The following FCAR variants were observed in gnomAD, a reference collection of about 807,000 sequenced individuals.
The protein encoded by FCAR is immunoglobulin alpha Fc receptor.
A neutral mutation model predicts 27.1 loss-of-function variants in FCAR; 21 were observed. The ratio of observed to expected loss-of-function variants is 0.77; its 90% CI spans 0.55 to 1.11. The LOEUF (loss-of-function observed/expected upper bound fraction) is 1.11. Ranked by LOEUF, FCAR falls within the 50% of genes most tolerant of loss-of-function variation. The probability of loss-of-function intolerance (pLI) is 0.00; values close to 1 mark genes in which losing one functional copy is unlikely to be tolerated. For missense variants in FCAR, 404 were observed against 358.4 expected (o/e 1.13, Z -1.03); for synonymous variants, 134 against 135.8 (o/e 0.99, Z 0.09).
rs781596331 is a variant in FCAR, at chr19:54,888,250, AC to A, written c.607del (p.Leu203CysfsTer26). The A allele has an allele frequency of 1.2e-5, 20 of 1,614,056 alleles. 1 individual carries two copies. In the East Asian group the frequency reaches 2.2e-4, roughly 18 times the overall value. On this transcript the variant is annotated frameshift_variant, in exon 4 of 5. Transcript: ENST00000355524. LOFTEE classifies it high-confidence loss of function. ...RCYGWYNRSP[Y>X]LWSFPSNALE... ...TACGGTTGGTACAACAGGAGCCCCTACCTGTGGTCCTTCCCCAGTAATGCCT... is the reference window on the plus strand; with the variant it reads ...TACGGTTGGTACAACAGGAGCCCCTACTGTGGTCCTTCCCCAGTAATGCCT...
Position 54,885,447 on chromosome 19 carries a change from G to C in FCAR, c.283G>C (p.Ala95Pro). The C allele has an allele frequency of 6.2e-7, 1 of 1,613,920 alleles. No homozygotes were observed. Among genetic ancestry groups the C allele is most frequent in the Non-Finnish European group, 8.5e-7 (1 of 1,179,836 alleles). ...FVIDHMDANK[A>P]GRYQCQYRIG... ...CATTGACCACATGGACGCAAACAAG[G>C]CAGGGCGCTATCAGTGCCAATATAG... Residue 95 changes from alanine (A) to proline (P), a missense_variant, in exon 3 of 5, where the codon GCA (alanine) becomes CCA (proline). Physicochemically the swap from Ala to Pro is conservative, Grantham distance 27 (BLOSUM62 -1). Coordinates refer to ENST00000355524, the MANE Select transcript of FCAR (RefSeq NM_002000.4).
chr19:54,891,285 G>C lies in FCAR; in HGVS notation c.*1422G>C, dbSNP rs1001738478. The C allele has an allele frequency of 2.0e-5, 3 of 151,868 alleles. No homozygotes were observed. Among genetic ancestry groups the C allele is most frequent in the East Asian group, 1.9e-4 (1 of 5,184 alleles). The allele number at this position is 151,868 out of a possible 1,614,324, so 9.4% of individuals were successfully genotyped here. ...TGAAAATATAATTATAAAATGTAAG[G>C]GTCCTACTTCCAGTGAAACTGAAGG... On this transcript the variant is annotated 3_prime_UTR_variant, in exon 5 of 5. Coordinates refer to ENST00000355524, the MANE Select transcript of FCAR (RefSeq NM_002000.4).
chr19:54,889,725 G>A lies in FCAR; in HGVS notation c.726G>A (p.Leu242=). The part of the protein sequence containing the change: ...AVAGLVLVAL[L]AILVENWHSH... Reference sequence around the variant, plus strand: ...CAGGACTGGTCCTCGTGGCTCTCTTGGCCATACTGGTTGAAAATTGGCACA... The same window carrying A: ...CAGGACTGGTCCTCGTGGCTCTCTTAGCCATACTGGTTGAAAATTGGCACA... The change falls in exon 5 of 5, where the codon TTG becomes TTA. Residue 242 remains leucine (L), a synonymous_variant. Coordinates refer to ENST00000355524, the MANE Select transcript of FCAR (RefSeq NM_002000.4). The A allele has an allele frequency of 1.9e-6, 3 of 1,614,090 alleles. No homozygotes were observed. Among genetic ancestry groups the A allele is most frequent in the Non-Finnish European group, 2.5e-6 (3 of 1,180,012 alleles).
At chr19:54,876,921 C>T (rs2066131299) in intron 2 of FCAR, among the ~76,000 whole-genome samples, 1 of 152,066 alleles carries the variant, frequency 6.6e-6, no homozygotes, top group Admixed American at 6.6e-5. Flanking sequence ...ACTCCTATAT[C>T]GAATCAACCT....
chr19:54,889,815 G>C lies in FCAR; in HGVS notation c.816G>C (p.Met272Ile). The change falls in exon 5 of 5, where the codon ATG (methionine) becomes ATC (isoleucine). Residue 272 changes from methionine to isoleucine, a missense_variant. By Grantham distance (10) the Met-to-Ile change is conservative. Transcript: ENST00000355524. ...CTGAACCGAGCTGGAGCCAACAGAT[G>C]TGTCAGCCAGGATTGACCTTTGCAC... is the stretch of plus-strand genomic sequence containing the variant. ...DVAEPSWSQQ[M>I]CQPGLTFART... The C allele has an allele frequency of 6.2e-7, 1 of 1,610,582 alleles. No individual in the cohort carries two copies. Among genetic ancestry groups the C allele is most frequent in the Non-Finnish European group, 8.5e-7 (1 of 1,180,022 alleles).
chr19:54,877,570 C>T (rs932009397), intron 2 of FCAR, among the ~76,000 whole-genome samples: 1 of 152,064 alleles, frequency 6.6e-6, no homozygotes, highest in Non-Finnish European at 1.5e-5. Flanking sequence ...CTTCTGAATG[C>T]TTTTTCGTGT....
chr19:54,889,794 A>G lies in FCAR; in HGVS notation c.795A>G (p.Glu265=). ...AGGAAGCCTCGGCAGATGTGGCTGAACCGAGCTGGAGCCAACAGATGTGTC... is the reference window on the plus strand; with the variant it reads ...AGGAAGCCTCGGCAGATGTGGCTGAGCCGAGCTGGAGCCAACAGATGTGTC... ...LNKEASADVA[E]PSWSQQMCQP... The change falls in exon 5 of 5, where the codon GAA becomes GAG. Residue 265 remains glutamate (E), a synonymous_variant. Transcript: ENST00000355524. The G allele has an allele frequency of 6.2e-7, 1 of 1,613,086 alleles. No homozygotes were observed. The highest frequency in any genetic ancestry group is 8.5e-7 in the Non-Finnish European group (1 of 1,180,026).
intron 2 of FCAR, among the ~76,000 whole-genome samples, chr19:54,876,027 C>G (rs1176217204): frequency 1.3e-5 from 2 of 152,186 alleles, no homozygotes; most frequent in African/African-American, 4.8e-5. Context: ...TTTTGTAGTT[C>G]TCCTTGCAGA....
At chr19:54,887,151 A>T (rs1315848111) in intron 3 of FCAR, among the ~76,000 whole-genome samples, 1 of 152,112 alleles carries the variant, frequency 6.6e-6, no homozygotes, top group East Asian at 1.9e-4. Flanking sequence ...CTGTACAAAA[A>T]ATCAAAAAAT....
intron 2 of FCAR, among the ~76,000 whole-genome samples, chr19:54,879,833 A>G (rs1056609006): frequency 6.6e-6 from 1 of 152,000 alleles, no homozygotes; most frequent in Non-Finnish European, 1.5e-5. Flanking sequence ...ACAGGTGCCC[A>G]CCACCACGCC....
At chr19:54,876,275 A>G (rs896419499) in intron 2 of FCAR, among the ~76,000 whole-genome samples, 5 of 152,174 alleles carry the variant, frequency 3.3e-5, no homozygotes, top group Non-Finnish European at 5.9e-5. Flanking sequence ...TCACCTGCAA[A>G]CAGGGATAGT....
intron 2 of FCAR, among the ~76,000 whole-genome samples, chr19:54,875,832 C>T (rs2066061611): frequency 6.6e-6 from 1 of 152,190 alleles, no homozygotes; most frequent in African/African-American, 2.4e-5. Flanking sequence ...AATATTCTGC[C>T]ACCCCAACTA....
chr19:54,876,485 A>T (rs587675751), intron 2 of FCAR, among the ~76,000 whole-genome samples: 143 of 152,238 alleles, frequency 9.4e-4, no homozygotes, highest in African/African-American at 3.3e-3. Context: ...CATTCTTATT[A>T]TTTTGAAATA....
chr19:54,879,110 C>T (rs1178072630), intron 2 of FCAR, among the ~76,000 whole-genome samples: 1 of 151,986 alleles, frequency 6.6e-6, no homozygotes, highest in Non-Finnish European at 1.5e-5. Context: ...CTCCTGACCT[C>T]AAATGATCCA....
rs1318550102 is a variant in FCAR at position 54,890,805 on chromosome 19, C to T, written c.*942C>T. The stretch of plus-strand genomic sequence containing the variant: ...ATGCCAAATATATTCAATAACCCCC[C>T]TCCTTTATTTTTTTTTGTTGAAGTG... On this transcript the variant is annotated 3_prime_UTR_variant, in exon 5 of 5. Transcript: ENST00000355524. The T allele has an allele frequency of 6.6e-6, 1 of 152,094 alleles. No homozygotes were observed. Among genetic ancestry groups the T allele is most frequent in the East Asian group, 1.9e-4 (1 of 5,202 alleles). 9.4% of individuals were successfully genotyped at this position (152,094 alleles called of 1,614,324 possible).
rs199568703 is a variant in FCAR at position 54,888,352 on chromosome 19, G to A, written c.649+58G>A. 3.1e-4 allele frequency: 498 copies of A among 1,591,154 alleles called. 3 individuals carry two copies. In the East Asian group the frequency reaches 8.7e-3, roughly 28 times the overall value. ...GTTGGCTGTCCAGGGCCTTGCCACC[G>A]GGCAGGAATATGAAGACGTGCACTG... On this transcript the variant is annotated intron_variant, in intron 4 of 4. Coordinates refer to ENST00000355524, the MANE Select transcript of FCAR (RefSeq NM_002000.4).
rs1396075658 is a variant in FCAR at position 54,890,104 on chromosome 19, C to A, written c.*241C>A. ...AAGTAGCTGGAATTACAGGCACATA[C>A]CACTGCACCCAGCTAATTTTTGTAT... On this transcript the variant is annotated 3_prime_UTR_variant, in exon 5 of 5. Coordinates refer to ENST00000355524, the MANE Select transcript of FCAR (RefSeq NM_002000.4). The A allele has an allele frequency of 5.4e-6, 3 of 555,692 alleles. No homozygotes were observed. Among genetic ancestry groups the A allele is most frequent in the Non-Finnish European group, 9.6e-6 (3 of 312,170 alleles). 34.4% of individuals were successfully genotyped at this position (555,692 alleles called of 1,614,324 possible). A position where few individuals can be genotyped will look rare whatever the true frequency, so the allele number is the denominator to read the frequency against.
At chr19:54,874,431 AT>A in intron 1 of FCAR, 108 bp downstream of exon 1, 9 of 1,091,724 alleles carry the variant, frequency 8.2e-6, no homozygotes, top group Non-Finnish European at 1.3e-5. Context: ...TGCCAAGGAG[AT>A]TCTGATCTCC....
intron 4 of FCAR, chr19:54,888,587 G>A (rs1258610637): frequency 2.5e-5 from 27 of 1,094,992 alleles, no homozygotes; most frequent in Admixed American, 8.2e-5. Flanking sequence ...TTGCTCTTTC[G>A]CCAAGGCTGG....
Sources: allele counts gnomAD v4.1 joint callset (sites outside exome capture counted in the v4.1 genomes callset), GRCh38; gene constraint gnomAD v4.1.1; transcripts MANE v1.5; gene names NCBI Gene and HGNC (gene_info 2026-07-23, HGNC 2026-07-21).